TTC12: variants seen among roughly 807,000 people sequenced by gnomAD.
TTC12 encodes tetratricopeptide repeat domain 12, also known as tetratricopeptide repeat protein 12.
In TTC12, 70 loss-of-function variants were observed where a neutral mutation model predicts 90.1. The ratio of observed to expected loss-of-function variants is 0.78; its 90% CI spans 0.64 to 0.95. TTC12 has a LOEUF of 0.95. Among genes scored for constraint, TTC12 ranks in the 40% least tolerant of loss-of-function variants. TTC12 has a pLI of 0.00. For missense variants in TTC12, 819 were observed against 846.1 expected (o/e 0.97, Z 0.40); for synonymous variants, 296 against 311.5 (o/e 0.95, Z 0.53).
chr11:113,367,836 C>A (rs1004936485), downstream of TTC12, among the ~76,000 whole-genome samples: 1 of 127,068 alleles, frequency 7.9e-6, no homozygotes, highest in Non-Finnish European at 1.8e-5. Context: ...GGGTGGCAAG[C>A]AAGTGACAGG....
At chr11:113,324,132 A>G in intron 4 of TTC12, 117 bp downstream of exon 4, 1 of 774,310 alleles carries the variant, frequency 1.3e-6, no homozygotes, top group East Asian at 2.6e-5. Context: ...CCTGTGAACA[A>G]AAACCTACTG....
intron 10 of TTC12, among the ~76,000 whole-genome samples, chr11:113,340,381 T>G (rs1250912736): frequency 4.6e-5 from 7 of 152,230 alleles, no homozygotes; most frequent in Non-Finnish European, 2.9e-5. Context: ...TCTCTGAAGA[T>G]TACAGAATGA....
At chr11:113,354,573 T>C (rs1230922595) in intron 16 of TTC12, among the ~76,000 whole-genome samples, 1 of 152,214 alleles carries the variant, frequency 6.6e-6, no homozygotes, top group Non-Finnish European at 1.5e-5. Context: ...CTTTTGCCCA[T>C]TTAGTATGAT....
At chr11:113,323,959 T>C (rs1555139828) in intron 3 of TTC12, 35 bp from the exon 4 acceptor site, 1 of 1,591,576 alleles carries the variant, frequency 6.3e-7, no homozygotes, top group Admixed American at 1.7e-5. Context: ...TTTTGAAATT[T>C]GTTTCTTTGT....
rs1555140324 is a variant in TTC12 at position 113,324,689 on chromosome 11, G to T, written c.322+7G>T. 1 of 1,612,592 alleles carries T rather than the reference G, an allele frequency of 6.2e-7. No individual in the cohort carries two copies. Among genetic ancestry groups the T allele is most frequent in the Non-Finnish European group, 8.5e-7 (1 of 1,179,058 alleles). On this transcript the variant is annotated splice_region_variant and intron_variant, in intron 5 of 21. Coordinates refer to ENST00000529221, the MANE Select transcript of TTC12 (RefSeq NM_017868.4). ...AACAAAGTCTTGGCGGATGGTAATT[G>T]TCAGTCCTTACTTTTCAATGGCTGG...
At position 113,323,325 on chromosome 11, in the gene TTC12, T is replaced by G. The variant is rs1213156037; in HGVS notation, c.96T>G (p.Val32=). 1 of 1,608,208 alleles carries G rather than the reference T, an allele frequency of 6.2e-7. No homozygotes were observed. Among genetic ancestry groups the G allele is most frequent in the East Asian group, 2.2e-5 (1 of 44,746 alleles). Residue 32 remains valine (V), a synonymous_variant, in exon 3 of 22, where the codon GTT becomes GTG. Transcript: ENST00000529221. The part of the protein sequence containing the change: ...LIQEMNSDDP[V]VQQKAVLETE... ...AGGAGATGAATTCTGATGACCCAGT[T>G]GTGCAACAGAAAGCTGTCCTGGAGA...
downstream of TTC12, chr11:113,368,327 A>G (rs1181786830): frequency 4.5e-6 from 7 of 1,545,492 alleles, no homozygotes; most frequent in South Asian, 4.8e-5. Context: ...CCACCGCCCC[A>G]AACTTGTTAC....
rs782360779 is a variant in TTC12, at chr11:113,325,638, G to A, written c.437G>A (p.Arg146Gln). The change falls in exon 6 of 22, where the codon CGA becomes CAA. Residue 146 changes from arginine to glutamine, a missense_variant. Arg to Gln is a conservative substitution (Grantham distance 43, BLOSUM62 1). Transcript: ENST00000529221. Reference protein sequence around the residue: ...LKDMKVLYTNRAQAYMKLEDY... With the variant: ...LKDMKVLYTNQAQAYMKLEDY... ...GACATGAAAGTGCTGTACACCAACC[G>A]AGCCCAGGTCAGTGAGGCAGGGATG... 4.8e-5 allele frequency: 78 copies of A among 1,613,766 alleles called. No homozygotes were observed. The highest frequency in any genetic ancestry group is 1.8e-4 in the East Asian group (8 of 44,890).
At position 113,362,637 on chromosome 11, in the gene TTC12, A is replaced by G; in HGVS notation, c.1716+135A>G. 3 of 644,196 alleles carry G rather than the reference A, an allele frequency of 4.7e-6. No homozygotes were observed. The South Asian group carries it at 5.9e-5, about 13-fold the overall frequency. 39.9% of individuals were successfully genotyped at this position (644,196 alleles called of 1,614,324 possible). ...CCTTGCTAGATTTTAAACTTCTTGGATAGGGATTTGCTTCTGCCTGTCTAC... is the reference window on the plus strand; with the variant it reads ...CCTTGCTAGATTTTAAACTTCTTGGGTAGGGATTTGCTTCTGCCTGTCTAC... On this transcript the variant is annotated intron_variant, in intron 19 of 21. Transcript: ENST00000529221.
chr11:113,349,222 C>T (rs1949135717), intron 13 of TTC12, among the ~76,000 whole-genome samples: 1 of 152,248 alleles, frequency 6.6e-6, no homozygotes, highest in Non-Finnish European at 1.5e-5. Flanking sequence ...ACACCTTCCA[C>T]CAGTGAGACT....
chr11:113,327,480 T>C (rs1359092832), intron 6 of TTC12, among the ~76,000 whole-genome samples: 3 of 152,234 alleles, frequency 2.0e-5, no homozygotes, highest in Admixed American at 2.0e-4. Context: ...TGCTTTGTTT[T>C]TCCCCTGGAG....
chr11:113,347,365 A>T (rs950177313), intron 13 of TTC12, among the ~76,000 whole-genome samples: 1 of 152,152 alleles, frequency 6.6e-6, no homozygotes, highest in East Asian at 1.9e-4. Flanking sequence ...CAGCCTGTGC[A>T]TGGTGCCCTC....
At chr11:113,329,588 G>T in intron 6 of TTC12, 1 of 482,540 alleles carries the variant, frequency 2.1e-6, no homozygotes, top group Non-Finnish European at 4.1e-6. Flanking sequence ...TTTTCGCAGA[G>T]CTGTCCTCCC....
At chr11:113,368,386 C>T (rs899939524), downstream of TTC12, 1 of 1,548,316 alleles carries the variant, frequency 6.5e-7, no homozygotes, top group African/African-American at 1.4e-5. Flanking sequence ...TGGAAAATAC[C>T]AGCGCCATCT....
intron 13 of TTC12, among the ~76,000 whole-genome samples, chr11:113,346,872 G>A (rs911612667): frequency 4.6e-5 from 7 of 152,010 alleles, no homozygotes; most frequent in Non-Finnish European, 7.4e-5. Flanking sequence ...CTAAACTGAA[G>A]TAACCTTGCA....
intron 18 of TTC12, among the ~76,000 whole-genome samples, chr11:113,360,639 C>G (rs928981401): frequency 6.6e-6 from 1 of 152,226 alleles, no homozygotes; most frequent in African/African-American, 2.4e-5. Flanking sequence ...GTATTCTTCA[C>G]TCACATTAAG....
intron 2 of TTC12, among the ~76,000 whole-genome samples, chr11:113,321,372 A>G (rs1251921393): frequency 1.3e-5 from 2 of 152,230 alleles, no homozygotes; most frequent in Admixed American, 6.5e-5. Flanking sequence ...CAGGTATTCA[A>G]TTCAGCATTT....
At chr11:113,344,469 G>C (rs574945887) in intron 13 of TTC12, 29 bp downstream of exon 13, 4 of 1,600,522 alleles carry the variant, frequency 2.5e-6, no homozygotes, top group Non-Finnish European at 3.4e-6. Flanking sequence ...GATCTTCCTG[G>C]GACATCTCAT....
In TTC12 at chr11:113,365,048, C is replaced by T. The variant is rs1338900516; in HGVS notation, c.2030C>T (p.Thr677Ile). ...GGCATTGCTCTGGGGAAGCTGTGCA[C>T]AGCTGAGCCCAGGTATGCTGTGGAC... ...NAGIALGKLCTAEPRFAAQLR... is the reference protein window; with the variant it reads ...NAGIALGKLCIAEPRFAAQLR... The change falls in exon 21 of 22, where the codon ACA becomes ATA. Residue 677 changes from threonine to isoleucine, a missense_variant. Physicochemically the swap from Thr to Ile is moderately conservative, Grantham distance 89. Coordinates refer to ENST00000529221, the MANE Select transcript of TTC12 (RefSeq NM_017868.4). The T allele has an allele frequency of 6.8e-6, 11 of 1,613,780 alleles. No individual in the cohort carries two copies. The highest frequency in any genetic ancestry group is 9.3e-6 in the Non-Finnish European group (11 of 1,179,784).
Sources: gnomAD v4.1 joint callset for allele counts (sites outside exome capture counted in the v4.1 genomes callset) on GRCh38, gnomAD v4.1.1 for gene constraint, MANE v1.5 for transcripts, NCBI Gene and HGNC (gene_info 2026-07-23, HGNC 2026-07-21) for gene names.